The following DEFB112 variants were observed in gnomAD, a reference collection of about 807,000 sequenced individuals.
DEFB112 encodes beta-defensin 112.
A neutral mutation model predicts 1.1 loss-of-function variants in DEFB112; 2 were observed. The ratio of observed to expected loss-of-function variants is 1.85; its 90% CI spans 0.76 to 5.83. DEFB112 has a LOEUF of 5.83. Among genes scored for constraint, DEFB112 ranks in the 30% most tolerant of loss-of-function variants. The pLI is 0.05. For missense variants in DEFB112, 120 were observed against 94.4 expected, an observed-to-expected ratio of 1.27 and a Z score of -1.12; for synonymous variants, 40 against 31.2, an observed-to-expected ratio of 1.28 and a Z score of -0.93.
chr6:50,049,786 C>A (rs1187888580), intron 1 of DEFB112, among the ~76,000 whole-genome samples, 26 bp downstream of exon 1: 1 of 151,826 alleles, frequency 6.6e-6, no homozygotes, highest in African/African-American at 2.4e-5. Flanking sequence ...GCCCCTTGAC[C>A]CCTCTAGCAA....
intron 1 of DEFB112, chr6:50,048,780 A>G (rs1774881326): frequency 3.3e-6 from 2 of 611,616 alleles, no homozygotes; most frequent in Non-Finnish European, 5.6e-6. Flanking sequence ...TATATATTAT[A>G]AAAGGTTTTA....
intron 1 of DEFB112, among the ~76,000 whole-genome samples, chr6:50,046,159 G>A (rs771629881): frequency 2.0e-5 from 3 of 150,714 alleles, no homozygotes; most frequent in Non-Finnish European, 4.4e-5. Flanking sequence ...ACTTTCAATT[G>A]ATGATATTTT....
At chr6:50,047,240 C>T (rs368069994) in intron 1 of DEFB112, among the ~76,000 whole-genome samples, 2 of 152,178 alleles carry the variant, frequency 1.3e-5, no homozygotes, top group African/African-American at 4.8e-5. Flanking sequence ...TCAGATCCGG[C>T]CTGGTGCCAG....
chr6:50,048,643 T>C (rs1460382965), intron 1 of DEFB112: 1 of 1,610,394 alleles, frequency 6.2e-7, no homozygotes, highest in African/African-American at 1.3e-5. Flanking sequence ...TGGTTGTCAA[T>C]AATTTCATAA....
intron 1 of DEFB112, 152 bp from the exon 2 acceptor site, chr6:50,043,953 G>A (rs1261856991): frequency 3.0e-6 from 2 of 662,606 alleles, no homozygotes; most frequent in African/African-American, 3.6e-5. Context: ...AGAAAATCAA[G>A]GAAACCAACA....
At position 50,042,536 on chromosome 6, in the gene DEFB112, A is replaced by C. The variant is rs183468463; in HGVS notation, c.*1039T>G. On this transcript the variant is annotated 3_prime_UTR_variant, in exon 2 of 2. Transcript: ENST00000651554. ...CAGGTTGTAAGTCACATAATAACCA[A>C]GGCTGCCAGCCAAGGACAAAGCCTA... Among the ~76,000 whole-genome samples, 2 of 152,186 alleles carry C rather than the reference A, an allele frequency of 1.3e-5. No homozygotes were observed. Among genetic ancestry groups the C allele is most frequent in the Admixed American group, 1.3e-4 (2 of 15,268 alleles).
Position 50,042,564 on chromosome 6 carries a change from G to C in DEFB112, c.*1011C>G, listed in dbSNP as rs1359265241. Among the ~76,000 whole-genome samples, 1 of 151,950 alleles carries C rather than the reference G, an allele frequency of 6.6e-6. No individual in the cohort carries two copies. The highest frequency in any genetic ancestry group is 1.9e-4 in the East Asian group (1 of 5,194). ...CTGCCAGCCAAGGACAAAGCCTAGAGGACATTCTTTAAGTAATACTTAGCA... is the reference window on the plus strand; with the variant it reads ...CTGCCAGCCAAGGACAAAGCCTAGACGACATTCTTTAAGTAATACTTAGCA... On this transcript the variant is annotated 3_prime_UTR_variant, in exon 2 of 2. Coordinates refer to ENST00000651554, the MANE Select transcript of DEFB112 (RefSeq NM_001369057.2).
chr6:50,045,754 G>T (rs553932630), intron 1 of DEFB112, among the ~76,000 whole-genome samples: 1 of 152,006 alleles, frequency 6.6e-6, no homozygotes, highest in African/African-American at 2.4e-5. Context: ...CTACAAAATG[G>T]CACCTGTTAC....
In DEFB112 at chr6:50,043,493, G is replaced by A. The variant is rs1774779168; in HGVS notation, c.*82C>T. On this transcript the variant is annotated 3_prime_UTR_variant, in exon 2 of 2. Coordinates refer to ENST00000651554, the MANE Select transcript of DEFB112 (RefSeq NM_001369057.2). ...TTATTCATTATAGGTATGCATGCAT[G>A]GAAATTATAGGTCATTAATGAAGTG... The A allele has an allele frequency of 5.9e-6, 6 of 1,024,216 alleles. No homozygotes were observed. In the East Asian group the frequency reaches 1.5e-4, roughly 26 times the overall value. 63.4% of individuals were successfully genotyped at this position (1,024,216 alleles called of 1,614,324 possible).
Position 50,043,812 on chromosome 6 carries a change from G to T in DEFB112, c.59-11C>A, listed in dbSNP as rs542261177. 7.5e-6 allele frequency: 12 copies of T among 1,610,518 alleles called. No individual in the cohort carries two copies. In the African/African-American group the frequency reaches 1.6e-4, roughly 21 times the overall value. Reference sequence around the variant, plus strand: ...GCCCTTCACTTCTGGCTGAAAGAAGGCAAGAACAGCTGGAATTAGTAATCT... The same window carrying T: ...GCCCTTCACTTCTGGCTGAAAGAAGTCAAGAACAGCTGGAATTAGTAATCT... On this transcript the variant is annotated splice_polypyrimidine_tract_variant and intron_variant, in intron 1 of 1. Transcript: ENST00000651554.
chr6:50,042,269 G>T lies in DEFB112; in HGVS notation c.*1306C>A, dbSNP rs147415656. On this transcript the variant is annotated 3_prime_UTR_variant, in exon 2 of 2. Transcript: ENST00000651554. ...TAGCTCCAAATTGACACTGGTCAGA[G>T]AGCATAGTATTATACATATCAGGAA... Among the ~76,000 whole-genome samples, 243 of 152,086 alleles carry T rather than the reference G, an allele frequency of 1.6e-3. No individual in the cohort carries two copies. The highest frequency in any genetic ancestry group is 3.0e-3 in the Non-Finnish European group (206 of 67,930).
intron 1 of DEFB112, among the ~76,000 whole-genome samples, chr6:50,044,315 A>G (rs1171027423): frequency 6.6e-6 from 1 of 151,390 alleles, no homozygotes; most frequent in Non-Finnish European, 1.5e-5. Flanking sequence ...AAGTTTTGCT[A>G]AAAAAATAGA....
chr6:50,048,546 T>C (rs1363891377), intron 1 of DEFB112: 18 of 1,613,018 alleles, frequency 1.1e-5, no homozygotes, highest in Non-Finnish European at 1.5e-5. Context: ...CCTGTGCTGA[T>C]TTTCTCTGTC....
intron 1 of DEFB112, among the ~76,000 whole-genome samples, chr6:50,046,163 A>G (rs1291936481): frequency 6.6e-6 from 1 of 151,164 alleles, no homozygotes; most frequent in East Asian, 1.9e-4. Context: ...TCAATTGATG[A>G]TATTTTCAAC....
rs201880063 is a variant in DEFB112, at chr6:50,045,948, TACAA to T, written c.59-2151_59-2148del. ...GACATACGTTCAGTGGATACAATAT[TACAA>T]ATAGTCATACAACAATTCTGTTTTA... On this transcript the variant is annotated intron_variant, in intron 1 of 1. Transcript: ENST00000651554. Among the ~76,000 whole-genome samples, 177 of 152,272 alleles carry T rather than the reference TACAA, an allele frequency of 1.2e-3. 1 individual carries two copies. The highest frequency in any genetic ancestry group is 3.9e-3 in the African/African-American group (163 of 41,560).
chr6:50,043,488 T>G lies in DEFB112; in HGVS notation c.*87A>C. The stretch of plus-strand genomic sequence containing the variant: ...ATTATTTATTCATTATAGGTATGCA[T>G]GCATGGAAATTATAGGTCATTAATG... On this transcript the variant is annotated 3_prime_UTR_variant, in exon 2 of 2. Transcript: ENST00000651554. 2 of 899,814 alleles carry G rather than the reference T, an allele frequency of 2.2e-6. No homozygotes were observed. The highest frequency in any genetic ancestry group is 3.5e-6 in the Non-Finnish European group (2 of 563,960). 55.7% of individuals were successfully genotyped at this position (899,814 alleles called of 1,614,324 possible).
rs1244040255 is a variant in DEFB112 at position 50,042,260 on chromosome 6, C to T, written c.*1315G>A. ...AGGGTTATTTAGCTCCAAATTGACA[C>T]TGGTCAGAGAGCATAGTATTATACA... On this transcript the variant is annotated 3_prime_UTR_variant, in exon 2 of 2. Coordinates refer to ENST00000651554, the MANE Select transcript of DEFB112 (RefSeq NM_001369057.2). Among the ~76,000 whole-genome samples, 2 of 151,948 alleles carry T rather than the reference C, an allele frequency of 1.3e-5. No individual in the cohort carries two copies. Among genetic ancestry groups the T allele is most frequent in the Non-Finnish European group, 2.9e-5 (2 of 67,920 alleles).
At chr6:50,049,786 C>T (rs1187888580) in intron 1 of DEFB112, among the ~76,000 whole-genome samples, 26 bp downstream of exon 1, 1 of 151,826 alleles carries the variant, frequency 6.6e-6, no homozygotes, top group East Asian at 1.9e-4. Context: ...GCCCCTTGAC[C>T]CCTCTAGCAA....
rs1358543679 is a variant in DEFB112 at position 50,043,234 on chromosome 6, G to A, written c.*341C>T. On this transcript the variant is annotated 3_prime_UTR_variant, in exon 2 of 2. Coordinates refer to ENST00000651554, the MANE Select transcript of DEFB112 (RefSeq NM_001369057.2). ...TTATCAACTCTGTCCCCACTCCTGA[G>A]TCTCCTCAAAGAATTCTTGATAATA... 1.3e-5 allele frequency among the ~76,000 whole-genome samples: 2 copies of A among 151,902 alleles called. No individual in the cohort carries two copies. Among genetic ancestry groups the A allele is most frequent in the African/African-American group, 4.8e-5 (2 of 41,386 alleles).
Sources: allele counts gnomAD v4.1 joint callset (sites outside exome capture counted in the v4.1 genomes callset), GRCh38; gene constraint gnomAD v4.1.1; transcripts MANE v1.5; gene names NCBI Gene and HGNC (gene_info 2026-07-23, HGNC 2026-07-21).